Variants in IMMT observed in about 807,000 individuals in gnomAD.
IMMT encodes the protein inner membrane mitochondrial protein.
Under a neutral mutation model 92.7 loss-of-function variants are expected in IMMT, and 40 were observed. That is an observed-to-expected ratio of 0.43 (90% CI 0.34 to 0.56). The LOEUF is 0.56. Ranked by LOEUF, IMMT falls within the 20% of genes least tolerant of loss-of-function variation. The pLI, the probability that IMMT is intolerant of heterozygous loss-of-function variation, is 0.03. For missense variants in IMMT, 831 were observed against 912.1 expected, an observed-to-expected ratio of 0.91 and a Z score of 1.14; for synonymous variants, 322 against 336.1, an observed-to-expected ratio of 0.96 and a Z score of 0.46.
intron 13 of IMMT, 128 bp downstream of exon 13, chr2:86,147,574 A>C (rs1573873297): frequency 1.3e-6 from 1 of 793,586 alleles, no homozygotes; most frequent in South Asian, 2.1e-5. Context: ...ATGTAAAAAG[A>C]AGCAGTTTTG....
chr2:86,171,078 A>T, intron 5 of IMMT, 130 bp downstream of exon 5: 1 of 887,222 alleles, frequency 1.1e-6, no homozygotes. Context: ...AATTTTAAAA[A>T]TTTCCTAAGA....
chr2:86,159,694 T>C, intron 8 of IMMT, 23 bp from the exon 9 acceptor site: 1 of 1,523,672 alleles, frequency 6.6e-7, no homozygotes, highest in Non-Finnish European at 8.8e-7. Flanking sequence ...AAAACAAAGA[T>C]TTAATATAAC....
intron 13 of IMMT, 102 bp from the exon 14 acceptor site, chr2:86,146,299 T>TA: frequency 1.1e-6 from 1 of 908,066 alleles, no homozygotes; most frequent in African/African-American, 1.7e-5. Context: ...AAGAGGGCCT[T>TA]AGAGTTGTCA....
intron 1 of IMMT, among the ~76,000 whole-genome samples, chr2:86,191,747 C>CAAAAA (rs572412565): frequency 1.7e-5 from 2 of 116,872 alleles, no homozygotes; most frequent in Non-Finnish European, 3.4e-5. Flanking sequence ...ACTAAAAATA[C>CAAAAA]AAAAAAAAAA....
chr2:86,157,336 G>C (rs971029434), intron 10 of IMMT, among the ~76,000 whole-genome samples: 18 of 152,018 alleles, frequency 1.2e-4, no homozygotes, highest in Non-Finnish European at 2.6e-4. Context: ...AGTCTCCCTG[G>C]GTGGCCATCA....
At chr2:86,189,556 A>C (rs371042150) in intron 1 of IMMT, among the ~76,000 whole-genome samples, 6 of 152,164 alleles carry the variant, frequency 3.9e-5, no homozygotes, top group Non-Finnish European at 8.8e-5. Context: ...AAGAAACCAC[A>C]ATCTAGCATG....
intron 1 of IMMT, 138 bp downstream of exon 1, chr2:86,195,200 G>C: frequency 1.1e-6 from 1 of 917,828 alleles, no homozygotes; most frequent in African/African-American, 1.7e-5. Context: ...CTAGCTGCCC[G>C]CCCGGGCCTC....
At chr2:86,166,398 T>C in intron 7 of IMMT, 110 bp downstream of exon 7, 1 of 900,278 alleles carries the variant, frequency 1.1e-6, no homozygotes, top group Non-Finnish European at 1.7e-6. Flanking sequence ...GCCGATATCA[T>C]ACGGAAGAAA....
intron 13 of IMMT, among the ~76,000 whole-genome samples, chr2:86,147,022 A>G (rs569935088): frequency 6.6e-6 from 1 of 152,306 alleles, no homozygotes; most frequent in Non-Finnish European, 1.5e-5. Flanking sequence ...CAGCCTCCCA[A>G]ATTGCTGGGA....
chr2:86,177,213 T>C (rs1451374571), intron 3 of IMMT, among the ~76,000 whole-genome samples: 6 of 151,072 alleles, frequency 4.0e-5, no homozygotes. Context: ...AAATGCCCAA[T>C]ACCAAAGAGC....
intron 1 of IMMT, among the ~76,000 whole-genome samples, chr2:86,194,442 G>A (rs1673389053): frequency 6.6e-6 from 1 of 152,166 alleles, no homozygotes; most frequent in Admixed American, 6.5e-5. Flanking sequence ...AGGAAGAGAA[G>A]CGAACTTGAA....
intron 1 of IMMT, chr2:86,192,907 T>A (rs79127616): frequency 0.022 from 3,322 of 153,712 alleles, 65 homozygotes; most frequent in Non-Finnish European, 0.033. Flanking sequence ...AGTAGAAAAA[T>A]GAAATATGAG....
chr2:86,189,096 TA>T (rs2105628520), intron 1 of IMMT, among the ~76,000 whole-genome samples: 1 of 152,272 alleles, frequency 6.6e-6, no homozygotes, highest in South Asian at 2.1e-4. Flanking sequence ...TCCTTTTTAT[TA>T]ATAAGGACCT....
chr2:86,167,491 T>G (rs147719238), intron 6 of IMMT, among the ~76,000 whole-genome samples: 48 of 71,946 alleles, frequency 6.7e-4, no homozygotes, highest in Middle Eastern at 6.8e-3. Context: ...TTTGTTTTTT[T>G]TTTTTTTTTT....
Position 86,147,752 on chromosome 2 carries a change from G to C in IMMT, c.1483C>G (p.Arg495Gly), listed in dbSNP as rs762675690. The change falls in exon 13 of 15, where the codon CGA (arginine) becomes GGA (glycine). Residue 495 changes from arginine (R) to glycine (G), a missense_variant. Physicochemically the swap from Arg to Gly is moderately radical, Grantham distance 125. Transcript: ENST00000410111. ...RQAAAHTDHL[R>G]DVLRVQEQEL... Reference sequence around the variant, plus strand: ...TGTTCTTGTACCCTAAGGACATCTCGCAAGTGATCAGTGTGGGCAGCTGCC... The same window carrying C: ...TGTTCTTGTACCCTAAGGACATCTCCCAAGTGATCAGTGTGGGCAGCTGCC... The C allele has an allele frequency of 6.2e-7, 1 of 1,613,830 alleles. No homozygotes were observed. The highest frequency in any genetic ancestry group is 1.7e-5 in the Admixed American group (1 of 60,016).
In IMMT at chr2:86,163,992, A is replaced by C. The variant is rs1016965763; in HGVS notation, c.793-1913T>G. Among the ~76,000 whole-genome samples, 2 of 146,276 alleles carry C rather than the reference A, an allele frequency of 1.4e-5. 1 individual carries two copies. ...AAGAATGTTCTATGTAAAATTTTGC[A>C]AAGTATATCTTATGATGCGAAAAAT... On this transcript the variant is annotated intron_variant, in intron 7 of 14. Coordinates refer to ENST00000410111, the MANE Select transcript of IMMT (RefSeq NM_006839.3).
chr2:86,187,997 T>A (rs1389741080), intron 1 of IMMT, among the ~76,000 whole-genome samples: 1 of 152,184 alleles, frequency 6.6e-6, no homozygotes, highest in Non-Finnish European at 1.5e-5. Context: ...ACTAGCAATG[T>A]ATGAGGGTTC....
chr2:86,162,262 C>T (rs557328488), intron 7 of IMMT, among the ~76,000 whole-genome samples, 183 bp from the exon 8 acceptor site: 1 of 151,740 alleles, frequency 6.6e-6, no homozygotes, highest in Admixed American at 6.5e-5. Flanking sequence ...TTATGATCTG[C>T]CCACATCGGC....
At chr2:86,179,730 A>T in intron 2 of IMMT, 108 bp from the exon 3 acceptor site, 1 of 789,988 alleles carries the variant, frequency 1.3e-6, no homozygotes, top group Non-Finnish European at 1.9e-6. Context: ...CTTATCTACC[A>T]CTAATTCAGA....
Sources: allele counts gnomAD v4.1 joint callset (sites outside exome capture counted in the v4.1 genomes callset), GRCh38; gene constraint gnomAD v4.1.1; transcripts MANE v1.5; gene names NCBI Gene and HGNC (gene_info 2026-07-23, HGNC 2026-07-21).